PTPRN2: variants seen among roughly 807,000 people sequenced by gnomAD.
PTPRN2 encodes the protein receptor-type tyrosine-protein phosphatase N2.
In PTPRN2, 74 loss-of-function variants were observed where a neutral mutation model predicts 118.8. The observed-to-expected ratio is 0.62, with a 90% CI of 0.52 to 0.76. The LOEUF (loss-of-function observed/expected upper bound fraction) is 0.76, where lower values mean the gene tolerates loss of function less well. PTPRN2 is among the 30% of genes least tolerant of loss of function. The pLI is 0.00. For synonymous variants in PTPRN2, 641 were observed against 608.0 expected (o/e 1.05, Z -0.80); for missense variants, 1,481 against 1,394.4 (o/e 1.06, Z -0.99).
At chr7:157,896,992 C>T (rs905307422) in intron 12 of PTPRN2, among the ~76,000 whole-genome samples, 1 of 152,110 alleles carries the variant, frequency 6.6e-6, no homozygotes, top group African/African-American at 2.4e-5. Context: ...CAGGACCCAC[C>T]TCCCCACCCA....
At chr7:158,168,207 G>A (rs946996200) in intron 5 of PTPRN2, among the ~76,000 whole-genome samples, 2 of 152,150 alleles carry the variant, frequency 1.3e-5, no homozygotes, top group East Asian at 1.9e-4. Flanking sequence ...AAGCAATACC[G>A]TGCTGTGTCA....
chr7:158,061,347 C>A (rs140540526), intron 11 of PTPRN2, among the ~76,000 whole-genome samples: 1 of 152,228 alleles, frequency 6.6e-6, no homozygotes, highest in African/African-American at 2.4e-5. Context: ...ACAGTCCCCA[C>A]GTGCTTGACA....
At chr7:158,241,490 G>C (rs368108027) in intron 3 of PTPRN2, among the ~76,000 whole-genome samples, 5 of 151,834 alleles carry the variant, frequency 3.3e-5, no homozygotes. Context: ...TTCCAGCCTG[G>C]GTGACAGAGT....
chr7:157,650,248 G>A (rs1286551289), intron 14 of PTPRN2, among the ~76,000 whole-genome samples: 2 of 152,226 alleles, frequency 1.3e-5, no homozygotes, highest in African/African-American at 4.8e-5. Context: ...CTGCCCGCCG[G>A]AGAGAGACAT....
chr7:158,137,512 ACAG>A lies in PTPRN2; in HGVS notation c.1132+779_1132+781del, dbSNP rs1818933509. ...TGGCACCTGAACAGTGCCCCTGGAG[ACAG>A]CACGCACACCAGGGCCTCCTGCATC... On this transcript the variant is annotated intron_variant, in intron 7 of 22. Transcript: ENST00000389418. Among the ~76,000 whole-genome samples, 5 of 152,184 alleles carry A rather than the reference ACAG, an allele frequency of 3.3e-5. No homozygotes were observed. In the South Asian group the frequency reaches 1.0e-3, roughly 32 times the overall value.
intron 12 of PTPRN2, among the ~76,000 whole-genome samples, chr7:157,686,782 G>A (rs1793423729): frequency 6.6e-6 from 1 of 152,150 alleles, no homozygotes; most frequent in Non-Finnish European, 1.5e-5. Flanking sequence ...GGAGGAGGAG[G>A]GAGAAGGAGG....
rs75261380 is a variant in PTPRN2 at position 157,585,931 on chromosome 7, G to A, written c.2497-7791C>T. On this transcript the variant is annotated intron_variant, in intron 17 of 22. Transcript: ENST00000389418. The surrounding 1 kb of genome is among the most constrained non-coding windows in gnomAD (Gnocchi z 5.2). The stretch of plus-strand genomic sequence containing the variant: ...GCATGTGTGCGGCGAGAGACTGACC[G>A]ACCATCTTTGCACTGTCCCAGGCAG... Among the ~76,000 whole-genome samples, 1,282 of 152,246 alleles carry A rather than the reference G, an allele frequency of 8.4e-3. 19 individuals carry two copies. Among genetic ancestry groups the A allele is most frequent in the African/African-American group, 0.029 (1,209 of 41,562 alleles).
chr7:158,423,581 T>C (rs929290111), intron 2 of PTPRN2, among the ~76,000 whole-genome samples: 1 of 152,070 alleles, frequency 6.6e-6, no homozygotes, highest in Non-Finnish European at 1.5e-5. Flanking sequence ...TCACCCAGGC[T>C]GGAGTGCAAT....
chr7:158,131,615 C>T (rs954010998), intron 9 of PTPRN2, among the ~76,000 whole-genome samples: 1 of 151,772 alleles, frequency 6.6e-6, no homozygotes, highest in South Asian at 2.1e-4. Context: ...AACCAATACA[C>T]ATCTACCCGA....
At chr7:158,145,557 A>G (rs1819864056) in intron 6 of PTPRN2, among the ~76,000 whole-genome samples, 1 of 152,226 alleles carries the variant, frequency 6.6e-6, no homozygotes, top group Non-Finnish European at 1.5e-5. Flanking sequence ...AGAAATGGCA[A>G]CGTGAGCAGA....
intron 5 of PTPRN2, among the ~76,000 whole-genome samples, chr7:158,174,548 T>C (rs1196737362): frequency 6.6e-6 from 1 of 152,076 alleles, no homozygotes; most frequent in Non-Finnish European, 1.5e-5. Context: ...ACACCATCAG[T>C]GTCACCCCCG....
At chr7:157,829,208 C>A (rs1277574989) in intron 12 of PTPRN2, among the ~76,000 whole-genome samples, 1 of 152,216 alleles carries the variant, frequency 6.6e-6, no homozygotes, top group Non-Finnish European at 1.5e-5. Context: ...AATAAACTGT[C>A]TTCTACAATG....
intron 11 of PTPRN2, among the ~76,000 whole-genome samples, chr7:158,061,007 G>A (rs73748009): frequency 0.083 from 12,618 of 152,266 alleles, 1,211 homozygotes; most frequent in African/African-American, 0.24. Context: ...CCTTAAATCA[G>A]ACTGACCTTC....
At chr7:158,051,663 G>C (rs1269542429) in intron 11 of PTPRN2, among the ~76,000 whole-genome samples, 1 of 152,248 alleles carries the variant, frequency 6.6e-6, no homozygotes, top group Non-Finnish European at 1.5e-5. Context: ...GTGACGTTCA[G>C]CACTGATTAC....
In PTPRN2 at chr7:158,133,892, G is replaced by T. The variant is rs1818588162; in HGVS notation, c.1341C>A (p.Val447=). 6.2e-7 allele frequency: 1 copy of T among 1,613,806 alleles called. No individual in the cohort carries two copies. The highest frequency in any genetic ancestry group is 1.3e-5 in the African/African-American group (1 of 74,950). ...GATCTTTGGAATACGTCTGGCTCTT[G>T]ACGTTCTCCACTCCGGCAGTCTCCT... ...SEEETAGVEN[V]KSQTYSKDLL... is the part of the protein sequence containing the mutation. The change falls in exon 9 of 23, where the codon GTC becomes GTA. Residue 447 remains valine, a synonymous_variant. Coordinates refer to ENST00000389418, the MANE Select transcript of PTPRN2 (RefSeq NM_002847.5).
intron 9 of PTPRN2, among the ~76,000 whole-genome samples, chr7:158,112,064 C>G (rs1393665538): frequency 6.6e-6 from 1 of 151,912 alleles, no homozygotes; most frequent in African/African-American, 2.4e-5. Flanking sequence ...GGAGCAGACC[C>G]TCCTCAGCCT....
chr7:158,363,810 C>T (rs994985122), intron 2 of PTPRN2, among the ~76,000 whole-genome samples: 3 of 152,152 alleles, frequency 2.0e-5, no homozygotes, highest in Non-Finnish European at 4.4e-5. Flanking sequence ...TCCACGGATG[C>T]CTCTGGCAGG....
rs1214504954 is a variant in PTPRN2 at position 158,525,558 on chromosome 7, T to C, written c.113-35773A>G. Among the ~76,000 whole-genome samples the C allele has an allele frequency of 6.6e-6, 1 of 152,230 alleles. No homozygotes were observed. The highest frequency in any genetic ancestry group is 1.5e-5 in the Non-Finnish European group (1 of 68,034). ...TCCCTGGCCCAGAACAGGCGCTCACTGTATCTCCTCCCTTCCTCCTGAGAG... is the reference window on the plus strand; with the variant it reads ...TCCCTGGCCCAGAACAGGCGCTCACCGTATCTCCTCCCTTCCTCCTGAGAG... On this transcript the variant is annotated intron_variant, in intron 1 of 22. Transcript: ENST00000389418. This position sits in a 1 kb window ranked among gnomAD's most constrained non-coding sequence, Gnocchi z 4.1.
At chr7:158,185,637 T>C (rs1304370800) in intron 5 of PTPRN2, among the ~76,000 whole-genome samples, 1 of 152,234 alleles carries the variant, frequency 6.6e-6, no homozygotes, top group African/African-American at 2.4e-5. Flanking sequence ...TGAAGTCCAC[T>C]CTGTCTAATA....
Sources: gnomAD v4.1 joint callset for allele counts (sites outside exome capture counted in the v4.1 genomes callset) on GRCh38, gnomAD v4.1.1 for gene constraint, Gnocchi (gnomAD v3.1) non-coding constraint, MANE v1.5 for transcripts, NCBI Gene and HGNC (gene_info 2026-07-23, HGNC 2026-07-21) for gene names.